RBBP8: variants seen among roughly 807,000 people sequenced by gnomAD.
RBBP8 encodes DNA endonuclease RBBP8.
A neutral mutation model predicts 108.3 loss-of-function variants in RBBP8; 88 were observed. The ratio of observed to expected loss-of-function variants is 0.81; its 90% confidence interval spans 0.68 to 0.97. The LOEUF (loss-of-function observed/expected upper bound fraction) is 0.97, where lower values mean the gene tolerates loss of function less well. Ranked by LOEUF, RBBP8 falls within the 50% of genes least tolerant of loss-of-function variation. RBBP8 has a pLI of 0.00. For synonymous variants in RBBP8, 332 were observed against 348.2 expected (o/e 0.95, Z 0.52); for missense variants, 1,023 against 1,049.0 (o/e 0.98, Z 0.34).
chr18:23,013,438 G>A (rs1373581545), intron 16 of RBBP8, among the ~76,000 whole-genome samples: 1 of 152,144 alleles, frequency 6.6e-6, no homozygotes, highest in African/African-American at 2.4e-5. Flanking sequence ...ACCAGCGCAG[G>A]TGAGCCCACC....
At chr18:22,917,114 A>C (rs1285669314) in intron 3 of RBBP8, 3 of 152,196 alleles carry the variant, frequency 2.0e-5, no homozygotes, top group Non-Finnish European at 4.4e-5. Flanking sequence ...AAAGTTGGAG[A>C]ACCAAAGGCC....
intron 5 of RBBP8, among the ~76,000 whole-genome samples, chr18:22,970,309 G>A (rs973293768): frequency 6.6e-6 from 1 of 151,988 alleles, no homozygotes; most frequent in Non-Finnish European, 1.5e-5. Context: ...TAGTACTACT[G>A]GAAATAATCT....
rs33978854 is a variant in RBBP8 at position 22,924,127 on chromosome 18, G to GTTTTTTTTT, written c.-153-5244_-153-5236dup. Among the ~76,000 whole-genome samples the GTTTTTTTTT allele has an allele frequency of 1.7e-4, 18 of 108,234 alleles. 1 individual carries two copies. The highest frequency in any genetic ancestry group is 2.8e-4 in the Non-Finnish European group (16 of 56,806). 71.0% of individuals were successfully genotyped at this position (108,234 alleles called of 152,430 possible). On this transcript the variant is annotated intron_variant, in intron 3 of 4. Coordinates refer to the RBBP8 transcript ENST00000577588. ...GCATTTTTTAGTTAGTTTGTTTTTGGTTTTTTTTTTTTTTTTTTTTGAGAC... is the reference window on the plus strand; with the variant it reads ...GCATTTTTTAGTTAGTTTGTTTTTGGTTTTTTTTTTTTTTTTTTTTTTTTTTTTTGAGAC...
chr18:23,001,858 T>C (rs1598730965), intron 15 of RBBP8, 129 bp downstream of exon 15: 5 of 1,310,090 alleles, frequency 3.8e-6, no homozygotes, highest in South Asian at 1.4e-5. Context: ...TATAAATTTT[T>C]TCAGGTTTTT....
At chr18:22,966,817 C>A (rs1178558291) in intron 4 of RBBP8, among the ~76,000 whole-genome samples, 1 of 150,200 alleles carries the variant, frequency 6.7e-6, no homozygotes, top group Non-Finnish European at 1.5e-5. Flanking sequence ...ATCCCTGCCT[C>A]CTGGGTTCAA....
rs528710770 is a variant in RBBP8 at position 22,958,658 on chromosome 18, A to G, written c.248+8945A>G. On this transcript the variant is annotated intron_variant, in intron 4 of 18. Transcript: ENST00000327155. ...CCTCCCAGGCCCAAGTGATCCTCAC[A>G]CCTCAGCCTTAGAGTAGCTGGGACT... Among the ~76,000 whole-genome samples the G allele has an allele frequency of 2.4e-3, 359 of 152,196 alleles. 1 individual carries two copies. The highest frequency in any genetic ancestry group is 3.4e-3 in the Middle Eastern group (1 of 294).
At chr18:22,958,831 T>C (rs1458782364) in intron 4 of RBBP8, among the ~76,000 whole-genome samples, 1 of 152,198 alleles carries the variant, frequency 6.6e-6, no homozygotes, top group Non-Finnish European at 1.5e-5. Flanking sequence ...CATGAGCCAC[T>C]GTGCTCAGCC....
At chr18:22,968,279 G>T (rs369021591) in intron 4 of RBBP8, among the ~76,000 whole-genome samples, 5 of 151,862 alleles carry the variant, frequency 3.3e-5, no homozygotes, top group Non-Finnish European at 7.4e-5. Flanking sequence ...TACTGTATTG[G>T]CCAGGCTGGT....
At chr18:22,921,292 G>C (rs1007318574) in intron 3 of RBBP8, among the ~76,000 whole-genome samples, 1 of 152,144 alleles carries the variant, frequency 6.6e-6, no homozygotes, top group Non-Finnish European at 1.5e-5. Flanking sequence ...ATCTTCTTAG[G>C]AGCCATCAAA....
intron 4 of RBBP8, among the ~76,000 whole-genome samples, chr18:22,963,988 A>G (rs1172796474): frequency 2.0e-5 from 3 of 152,230 alleles, no homozygotes; most frequent in Admixed American, 1.3e-4. Context: ...TTTTGTTGAA[A>G]TAATAGTTGG....
chr18:22,995,693 A>G (rs2045844201), intron 12 of RBBP8, among the ~76,000 whole-genome samples: 1 of 152,206 alleles, frequency 6.6e-6, no homozygotes, highest in African/African-American at 2.4e-5. Flanking sequence ...TTCACTTGGC[A>G]TAATGTTTTC....
intron 17 of RBBP8, among the ~76,000 whole-genome samples, chr18:23,020,886 A>G (rs2046337100): frequency 6.6e-6 from 1 of 152,226 alleles, no homozygotes; most frequent in African/African-American, 2.4e-5. Context: ...AGCCCAGACT[A>G]AGGTAACAAA....
chr18:22,969,239 T>C (rs1913885677), intron 5 of RBBP8, among the ~76,000 whole-genome samples: 1 of 151,980 alleles, frequency 6.6e-6, no homozygotes, highest in African/African-American at 2.4e-5. Context: ...CATGTAACCT[T>C]AATACTTAGT....
chr18:22,920,757 C>T (rs1909562471), intron 3 of RBBP8: 4 of 152,168 alleles, frequency 2.6e-5, no homozygotes, highest in Admixed American at 2.6e-4. Context: ...GACCATCTGA[C>T]TCACCTGGAG....
chr18:23,007,663 A>T (rs1159863916), intron 16 of RBBP8, among the ~76,000 whole-genome samples: 1 of 142,016 alleles, frequency 7.0e-6, no homozygotes, highest in Non-Finnish European at 1.5e-5. Flanking sequence ...GCGCCACTGC[A>T]CTCCAGCCTG....
chr18:22,922,110 G>A (rs1909617633), intron 3 of RBBP8, among the ~76,000 whole-genome samples: 1 of 152,108 alleles, frequency 6.6e-6, no homozygotes, highest in South Asian at 2.1e-4. Flanking sequence ...GAAGGCTCTA[G>A]TCAAGCAGAT....
rs75196382 is a variant in RBBP8 at position 22,999,129 on chromosome 18, T to C, written c.2143+1395T>C. Among the ~76,000 whole-genome samples, 60 of 152,344 alleles carry C rather than the reference T, an allele frequency of 3.9e-4. No individual in the cohort carries two copies. In the East Asian group the frequency reaches 8.5e-3, roughly 22 times the overall value. On this transcript the variant is annotated intron_variant, in intron 14 of 18. Coordinates refer to ENST00000327155, the MANE Select transcript of RBBP8 (RefSeq NM_002894.3). ...AAAGAGAAATTAGCACTTGGACTAA[T>C]GAGGGGAAATTATAGAGATAATTTT...
chr18:23,010,238 AC>A (rs1424062273), intron 16 of RBBP8, among the ~76,000 whole-genome samples: 3 of 152,172 alleles, frequency 2.0e-5, no homozygotes, highest in African/African-American at 7.2e-5. Context: ...GCAGTGAATA[AC>A]CTTGCACATT....
chr18:23,015,182 G>GC (rs2046235842), intron 16 of RBBP8, among the ~76,000 whole-genome samples: 1 of 152,150 alleles, frequency 6.6e-6, no homozygotes, highest in Non-Finnish European at 1.5e-5. Flanking sequence ...ATAGGCATGA[G>GC]CCACCACACC....
Sources: allele counts gnomAD v4.1 joint callset (sites outside exome capture counted in the v4.1 genomes callset), GRCh38; gene constraint gnomAD v4.1.1; transcripts MANE v1.5; gene names NCBI Gene and HGNC (gene_info 2026-07-23, HGNC 2026-07-21).